Variants in CMTM4 observed in about 807,000 individuals in gnomAD.
CMTM4 encodes the protein CKLF like MARVEL transmembrane domain containing 4, also known as CKLF-like MARVEL transmembrane domain-containing protein 4.
CMTM4 carries 8 observed loss-of-function variants against 19.0 expected under a neutral mutation model. The ratio of observed to expected loss-of-function variants is 0.42; its 90% CI spans 0.25 to 0.76. The LOEUF (loss-of-function observed/expected upper bound fraction) is 0.76. Among genes scored for constraint, CMTM4 ranks in the 30% least tolerant of loss-of-function variants. CMTM4 has a pLI of 0.27. For synonymous variants in CMTM4, 106 were observed against 121.1 expected (o/e 0.88, Z 0.82); for missense variants, 228 against 290.2 (o/e 0.79, Z 1.56).
chr16:66,651,681 G>A (rs1463772197), intron 1 of CMTM4, among the ~76,000 whole-genome samples: 1 of 152,202 alleles, frequency 6.6e-6, no homozygotes, highest in Non-Finnish European at 1.5e-5. Context: ...AAGACCTGGG[G>A]TAGCCAGTGC....
downstream of CMTM4, chr16:66,612,996 G>A: frequency 1.4e-6 from 1 of 700,162 alleles, no homozygotes; most frequent in Non-Finnish European, 2.6e-6. This position sits in a 1 kb window ranked among gnomAD's most constrained non-coding sequence, Gnocchi z 6.0. Context: ...AGGTGGCGGG[G>A]GTCGGGGGTC....
chr16:66,638,546 T>TA (rs2144814892), intron 1 of CMTM4, among the ~76,000 whole-genome samples: 1 of 152,334 alleles, frequency 6.6e-6, no homozygotes, highest in Non-Finnish European at 1.5e-5. Context: ...AACAACAATG[T>TA]ATTGCATTGT....
intron 1 of CMTM4, among the ~76,000 whole-genome samples, chr16:66,678,207 CA>C (rs1284461438): frequency 2.0e-5 from 3 of 151,972 alleles, no homozygotes; most frequent in African/African-American, 4.8e-5. Context: ...GCAAAGCCAT[CA>C]GGGGAAAAAG....
chr16:66,600,631 C>T, the CMTM4 span, among the ~76,000 whole-genome samples: 24 of 149,774 alleles, frequency 1.6e-4, no homozygotes, highest in Non-Finnish European at 3.4e-4. Context: ...AACACCTTGG[C>T]TCAGTCCTTT....
At chr16:66,604,548 A>G in the CMTM4 span, 5 of 298,684 alleles carry the variant, frequency 1.7e-5, no homozygotes, top group Admixed American at 2.1e-4. Context: ...ACCAGGGTGA[A>G]GAAGAAGGTG....
intron 1 of CMTM4, among the ~76,000 whole-genome samples, chr16:66,642,582 G>A (rs1181560721): frequency 6.6e-6 from 1 of 152,082 alleles, no homozygotes; most frequent in Non-Finnish European, 1.5e-5. Flanking sequence ...TGGGTGTGGT[G>A]GCACATGCCT....
the CMTM4 span, among the ~76,000 whole-genome samples, chr16:66,599,512 A>T: frequency 1.3e-5 from 2 of 151,812 alleles, no homozygotes; most frequent in African/African-American, 2.4e-5. Flanking sequence ...TGTTGAGACA[A>T]GGTCTCACTC....
At chr16:66,601,178 G>T in the CMTM4 span, among the ~76,000 whole-genome samples, 1 of 151,824 alleles carries the variant, frequency 6.6e-6, no homozygotes, top group African/African-American at 2.4e-5. Flanking sequence ...GGATCTTTGG[G>T]GTGTTAATTT....
At position 66,622,171 on chromosome 16, in the gene CMTM4, C is replaced by T; in HGVS notation, c.514G>A (p.Val172Met). 6.2e-7 allele frequency: 1 copy of T among 1,613,954 alleles called. No individual in the cohort carries two copies. The highest frequency in any genetic ancestry group is 8.5e-7 in the Non-Finnish European group (1 of 1,179,960). ...CGGACGCTGACTCTCCATTTCTGCA[C>T]TGCCAGGAATGTGTTCACTGCATAT... ...AAYAVNTFLAVQKWRVSVRQQ... is the reference protein window; with the variant it reads ...AAYAVNTFLAMQKWRVSVRQQ... The change falls in exon 4 of 4, where the codon GTG (valine) becomes ATG (methionine). Residue 172 changes from valine (V) to methionine (M), a missense_variant. Physicochemically the swap from Val to Met is conservative, Grantham distance 21 (BLOSUM62 1). Coordinates refer to ENST00000394106, the MANE Select transcript of CMTM4 (RefSeq NM_181521.3). This position sits in a 1 kb window ranked among gnomAD's most constrained non-coding sequence, Gnocchi z 4.0.
intron 1 of CMTM4, among the ~76,000 whole-genome samples, chr16:66,648,584 G>A (rs758215074): frequency 6.6e-6 from 1 of 150,924 alleles, no homozygotes; most frequent in Non-Finnish European, 1.5e-5. Context: ...CTTGAACCCG[G>A]GAGGCGGAGG....
intron 1 of CMTM4, among the ~76,000 whole-genome samples, chr16:66,655,043 T>C (rs2016373122): frequency 6.6e-6 from 1 of 152,130 alleles, no homozygotes; most frequent in Admixed American, 6.6e-5. Context: ...TCACCCAGGC[T>C]AGAGTGTTGT....
At chr16:66,677,705 ATT>A (rs1412035267) in intron 1 of CMTM4, among the ~76,000 whole-genome samples, 5 of 145,006 alleles carry the variant, frequency 3.4e-5, no homozygotes, top group South Asian at 2.2e-4. Context: ...GGTGGTCAAG[ATT>A]TTTTTTTTTT....
At chr16:66,624,995 T>TA (rs1298118565) in intron 2 of CMTM4, among the ~76,000 whole-genome samples, 4 of 151,364 alleles carry the variant, frequency 2.6e-5, no homozygotes, top group South Asian at 2.1e-4. Context: ...GCTGTAGGGG[T>TA]AAAAAAAGAA....
At chr16:66,646,672 G>A (rs2016207524) in intron 1 of CMTM4, among the ~76,000 whole-genome samples, 1 of 150,780 alleles carries the variant, frequency 6.6e-6, no homozygotes, top group Non-Finnish European at 1.5e-5. Flanking sequence ...TGACCTCTAA[G>A]AACCAATCCT....
chr16:66,670,979 A>C (rs2144880830), intron 1 of CMTM4, among the ~76,000 whole-genome samples: 1 of 152,246 alleles, frequency 6.6e-6, no homozygotes, highest in East Asian at 1.9e-4. Context: ...GAACACCAGT[A>C]TTTTTACTTT....
rs201356464 is a variant in CMTM4, at chr16:66,689,371, G to GT, written c.186+6968dup. On this transcript the variant is annotated intron_variant, in intron 1 of 3. Coordinates refer to ENST00000394106, the MANE Select transcript of CMTM4 (RefSeq NM_181521.3). Reference sequence around the variant, plus strand: ...GGAAAAGTACTGAATTTTGTCAAAAGTTTTTTTTTTCTGCATCAAATGATA... The same window carrying GT: ...GGAAAAGTACTGAATTTTGTCAAAAGTTTTTTTTTTTCTGCATCAAATGATA... Among the ~76,000 whole-genome samples, 376 of 149,806 alleles carry GT rather than the reference G, an allele frequency of 2.5e-3. 5 individuals are homozygous for GT. Among genetic ancestry groups the GT allele is most frequent in the Non-Finnish European group, 4.3e-3 (288 of 67,178 alleles).
intron 1 of CMTM4, among the ~76,000 whole-genome samples, chr16:66,679,026 G>GA (rs768386858): frequency 1.3e-5 from 2 of 151,788 alleles, no homozygotes; most frequent in South Asian, 2.1e-4. Context: ...TTGAGCCCAG[G>GA]AGACAGAGGT....
At chr16:66,612,973 G>GT, downstream of CMTM4, 1 of 690,428 alleles carries the variant, frequency 1.4e-6, no homozygotes, top group Non-Finnish European at 2.6e-6. This position sits in a 1 kb window ranked among gnomAD's most constrained non-coding sequence, Gnocchi z 6.0. Context: ...GGCAGCAGGT[G>GT]TTCCATGCTG....
chr16:66,609,264 A>C, the CMTM4 span: 3 of 611,796 alleles, frequency 4.9e-6, no homozygotes, highest in Non-Finnish European at 8.6e-6. The surrounding 1 kb of genome is among the most constrained non-coding windows in gnomAD (Gnocchi z 4.4). Context: ...GCAAGGCAGC[A>C]GAGGCACCTC....
Sources: gnomAD v4.1 joint callset for allele counts (sites outside exome capture counted in the v4.1 genomes callset) on GRCh38, gnomAD v4.1.1 for gene constraint, Gnocchi (gnomAD v3.1) non-coding constraint, MANE v1.5 for transcripts, NCBI Gene and HGNC (gene_info 2026-07-23, HGNC 2026-07-21) for gene names.